The following BCL7A variants were observed in gnomAD, a reference collection of about 807,000 sequenced individuals.
BCL7A encodes B-cell CLL/lymphoma 7 protein family member A.
In BCL7A, 11 loss-of-function variants were observed where a neutral mutation model predicts 28.4. The observed-to-expected ratio is 0.39, with a 90% CI of 0.24 to 0.64. The LOEUF is 0.64. Ranked by LOEUF, BCL7A falls within the 30% of genes least tolerant of loss-of-function variation. The probability of loss-of-function intolerance (pLI) is 0.50; values close to 1 mark genes in which losing one functional copy is unlikely to be tolerated. For synonymous variants in BCL7A, 123 were observed against 103.3 expected (o/e 1.19, Z -1.15); for missense variants, 222 against 274.8 (o/e 0.81, Z 1.36).
intron 2 of BCL7A, among the ~76,000 whole-genome samples, chr12:122,034,427 A>G (rs1401459853): frequency 2.5e-4 from 6 of 24,426 alleles, no homozygotes; most frequent in African/African-American, 3.3e-4. Context: ...TCCTTTCGTA[A>G]AAAAAAAAAA....
chr12:122,040,851 G>A (rs1467775921), intron 3 of BCL7A, among the ~76,000 whole-genome samples: 1 of 152,036 alleles, frequency 6.6e-6, no homozygotes. Context: ...CAAGTATCAG[G>A]GTCACGCTGT....
chr12:122,026,806 C>T (rs1047762119), intron 1 of BCL7A, among the ~76,000 whole-genome samples: 1 of 152,168 alleles, frequency 6.6e-6, no homozygotes, highest in Admixed American at 6.5e-5. Flanking sequence ...TGGTGGGTAA[C>T]CCTAAGATGG....
At chr12:122,022,814 G>C (rs1212875062) in intron 1 of BCL7A, among the ~76,000 whole-genome samples, 1 of 151,748 alleles carries the variant, frequency 6.6e-6, no homozygotes, top group Admixed American at 6.6e-5. Flanking sequence ...AGGGCTCTCG[G>C]CGACCAGGAA....
At chr12:122,030,621 C>T (rs1329870912) in intron 1 of BCL7A, 79 bp from the exon 2 acceptor site, 5 of 1,351,166 alleles carry the variant, frequency 3.7e-6, no homozygotes, top group South Asian at 1.2e-5. Flanking sequence ...GGAGCTTGCT[C>T]TCAGCCCCAA....
At chr12:122,025,209 G>C (rs531066247) in intron 1 of BCL7A, among the ~76,000 whole-genome samples, 2 of 152,202 alleles carry the variant, frequency 1.3e-5, no homozygotes, top group Admixed American at 6.5e-5. Flanking sequence ...TGCAGCGTAA[G>C]CTTGGAGGCC....
chr12:122,051,086 G>T (rs1023978019), intron 4 of BCL7A, among the ~76,000 whole-genome samples: 1 of 152,212 alleles, frequency 6.6e-6, no homozygotes, highest in Non-Finnish European at 1.5e-5. Context: ...CTAGAAGCCC[G>T]ATTTGAGCTC....
rs899276178 is a variant in BCL7A at position 122,054,657 on chromosome 12, C to T, written c.440-148C>T. Reference sequence around the variant, plus strand: ...CACTGAAAAATCAACAGGAGACTCCCCAGCCCTCCAGCCCCCCAGCTCATT... The same window carrying T: ...CACTGAAAAATCAACAGGAGACTCCTCAGCCCTCCAGCCCCCCAGCTCATT... On this transcript the variant is annotated intron_variant, in intron 4 of 5. Coordinates refer to ENST00000261822, the MANE Select transcript of BCL7A (RefSeq NM_001024808.3). The T allele has an allele frequency of 9.3e-5, 73 of 787,200 alleles. No individual in the cohort carries two copies. The African/African-American group carries it at 1.1e-3, about 12-fold the overall frequency. 48.8% of individuals were successfully genotyped at this position (787,200 alleles called of 1,614,324 possible). A position where few individuals can be genotyped will look rare whatever the true frequency, so the allele number is the denominator to read the frequency against.
chr12:122,031,156 A>G (rs1011681585), intron 2 of BCL7A, among the ~76,000 whole-genome samples: 1 of 152,074 alleles, frequency 6.6e-6, no homozygotes. Flanking sequence ...CCTCCCGAGT[A>G]GCTGGGATTA....
At chr12:122,034,080 C>T (rs1028866962) in intron 2 of BCL7A, among the ~76,000 whole-genome samples, 1 of 150,526 alleles carries the variant, frequency 6.6e-6, no homozygotes, top group African/African-American at 2.4e-5. Context: ...TAAAGGGAGA[C>T]TTCGCTCGCA....
intron 4 of BCL7A, 126 bp from the exon 5 acceptor site, chr12:122,054,679 C>G: frequency 3.3e-6 from 3 of 916,858 alleles, no homozygotes; most frequent in Non-Finnish European, 5.0e-6. Flanking sequence ...CCCCCCAGCT[C>G]ATTGTAGCCT....
At chr12:122,025,042 A>G (rs1053300610) in intron 1 of BCL7A, among the ~76,000 whole-genome samples, 2 of 149,972 alleles carry the variant, frequency 1.3e-5, no homozygotes, top group Non-Finnish European at 3.0e-5. Flanking sequence ...CTGGTGTTTC[A>G]GCAAGGCAGG....
intron 4 of BCL7A, among the ~76,000 whole-genome samples, chr12:122,050,133 A>G (rs74350942): frequency 0.028 from 4,208 of 152,174 alleles, 193 homozygotes; most frequent in African/African-American, 0.096. Context: ...TGCATTTGCC[A>G]TCACACCTGG....
chr12:122,050,516 T>C (rs1884170669), intron 4 of BCL7A, among the ~76,000 whole-genome samples: 1 of 152,174 alleles, frequency 6.6e-6, no homozygotes, highest in African/African-American at 2.4e-5. Context: ...GATCCCAGCA[T>C]GCCCACCAGG....
intron 4 of BCL7A, among the ~76,000 whole-genome samples, chr12:122,050,301 G>GGC (rs1555223918): frequency 6.5e-5 from 8 of 123,444 alleles, no homozygotes; most frequent in African/African-American, 1.9e-4. Context: ...TTTATTGTGG[G>GGC]GGGGGGGCCA....
In BCL7A at chr12:122,059,030, G is replaced by T. The variant is rs545787280; in HGVS notation, c.562-62G>T. ...TTCCTTGGCTGACCTTCGGCCTCAC[G>T]CCTGGCCTAACTTGCTCTCCTGGCC... On this transcript the variant is annotated intron_variant, in intron 5 of 5. Transcript: ENST00000261822. This position sits in a 1 kb window ranked among gnomAD's most constrained non-coding sequence, Gnocchi z 4.0. 8 of 1,447,510 alleles carry T rather than the reference G, an allele frequency of 5.5e-6. No individual in the cohort carries two copies. Among genetic ancestry groups the T allele is most frequent in the South Asian group, 1.1e-5 (1 of 87,280 alleles). 89.7% of individuals were successfully genotyped at this position (1,447,510 alleles called of 1,614,324 possible). A position where few individuals can be genotyped will look rare whatever the true frequency, so the allele number is the denominator to read the frequency against.
rs112217020 is a variant in BCL7A, at chr12:122,030,031, G to GC, written c.93-668dup. Among the ~76,000 whole-genome samples, 162 of 152,300 alleles carry GC rather than the reference G, an allele frequency of 1.1e-3. 1 individual carries two copies. Among genetic ancestry groups the GC allele is most frequent in the African/African-American group, 3.6e-3 (150 of 41,560 alleles). On this transcript the variant is annotated intron_variant, in intron 1 of 5. Coordinates refer to ENST00000261822, the MANE Select transcript of BCL7A (RefSeq NM_001024808.3). The stretch of plus-strand genomic sequence containing the variant: ...CCGTCCTTCAGGCGTTTGTAATGCA[G>GC]CTGGGGTGACCTTGCAGACAGGGTC...
chr12:122,038,312 A>G (rs1377462541), intron 3 of BCL7A, among the ~76,000 whole-genome samples: 1 of 151,320 alleles, frequency 6.6e-6, no homozygotes. Context: ...TGTGCCTGTA[A>G]TCCCAGCTAC....
chr12:122,050,377 C>T (rs776493040), intron 4 of BCL7A, among the ~76,000 whole-genome samples: 4 of 152,142 alleles, frequency 2.6e-5, no homozygotes, highest in Non-Finnish European at 5.9e-5. Flanking sequence ...AGTTGTTAAC[C>T]AATGTCCCCA....
intron 3 of BCL7A, among the ~76,000 whole-genome samples, chr12:122,038,911 AC>A (rs1357592987): frequency 6.6e-6 from 1 of 152,112 alleles, no homozygotes. Context: ...ACAGTGGCTC[AC>A]ACCTGTAATC....
Sources: gnomAD v4.1 joint callset for allele counts (sites outside exome capture counted in the v4.1 genomes callset) on GRCh38, gnomAD v4.1.1 for gene constraint, Gnocchi (gnomAD v3.1) non-coding constraint, MANE v1.5 for transcripts, NCBI Gene and HGNC (gene_info 2026-07-23, HGNC 2026-07-21) for gene names.